NPAS3: variants seen among roughly 807,000 people sequenced by gnomAD.
The protein encoded by NPAS3 is neuronal PAS domain protein 3, also known as neuronal PAS domain-containing protein 3.
In NPAS3, 14 loss-of-function variants were observed where a neutral mutation model predicts 73.1. That is an observed-to-expected ratio of 0.19 (90% CI 0.13 to 0.30). The LOEUF (loss-of-function observed/expected upper bound fraction) is 0.30. Among genes scored for constraint, NPAS3 ranks in the 10% least tolerant of loss-of-function variants. The pLI, the probability that NPAS3 is intolerant of heterozygous loss-of-function variation, is 1.00. For missense variants in NPAS3, 1,096 were observed against 1,250.0 expected (o/e 0.88, Z 1.86); for synonymous variants, 620 against 541.5 (o/e 1.14, Z -2.01).
chr14:33,390,969 T>C (rs1326219369), intron 4 of NPAS3, among the ~76,000 whole-genome samples: 1 of 152,166 alleles, frequency 6.6e-6, no homozygotes, highest in African/African-American at 2.4e-5. Context: ...GTACTTTCTT[T>C]TACAAATGTG....
At chr14:33,736,227 G>A (rs904341367) in intron 7 of NPAS3, among the ~76,000 whole-genome samples, 49 of 152,180 alleles carry the variant, frequency 3.2e-4, no homozygotes, top group African/African-American at 1.1e-3. Context: ...ATCGCGGATG[G>A]TAACAGCCAG....
intron 2 of NPAS3, among the ~76,000 whole-genome samples, chr14:33,127,835 T>G (rs11847493): frequency 0.017 from 2,557 of 152,210 alleles, 66 homozygotes; most frequent in African/African-American, 0.059. Flanking sequence ...TAAAATACAT[T>G]TCCCTTTCCT....
At chr14:33,545,724 C>G (rs565439668) in intron 4 of NPAS3, among the ~76,000 whole-genome samples, 1 of 152,260 alleles carries the variant, frequency 6.6e-6, no homozygotes, top group East Asian at 1.9e-4. Flanking sequence ...CTATCATTGT[C>G]TCATTTTAGA....
At chr14:33,685,658 G>A (rs918026564) in intron 6 of NPAS3, among the ~76,000 whole-genome samples, 1 of 152,088 alleles carries the variant, frequency 6.6e-6, no homozygotes, top group African/African-American at 2.4e-5. Flanking sequence ...TTCTAACTTT[G>A]GAAAATGGTA....
At chr14:33,262,912 A>C (rs2049025624) in intron 3 of NPAS3, among the ~76,000 whole-genome samples, 1 of 152,074 alleles carries the variant, frequency 6.6e-6, no homozygotes, top group Admixed American at 6.6e-5. Flanking sequence ...TTGGCTGCAT[A>C]AATGTCTTCT....
At chr14:33,379,106 T>G (rs2046429462) in intron 4 of NPAS3, among the ~76,000 whole-genome samples, 1 of 152,160 alleles carries the variant, frequency 6.6e-6, no homozygotes, top group South Asian at 2.1e-4. Flanking sequence ...AGGTTGTAAG[T>G]ATAAGGTATA....
chr14:33,469,832 TAA>T (rs935297169), intron 4 of NPAS3, among the ~76,000 whole-genome samples: 2 of 152,002 alleles, frequency 1.3e-5, no homozygotes, highest in Non-Finnish European at 2.9e-5. Flanking sequence ...GTTGCTGCAT[TAA>T]AAAAAATTAC....
chr14:33,057,684 A>G (rs574971127), intron 2 of NPAS3, among the ~76,000 whole-genome samples: 1 of 152,284 alleles, frequency 6.6e-6, no homozygotes, highest in South Asian at 2.1e-4. Context: ...AATTGGTGTT[A>G]TTTGTAGTCA....
intron 2 of NPAS3, among the ~76,000 whole-genome samples, chr14:33,129,239 CT>C (rs1476378407): frequency 1.3e-5 from 2 of 152,062 alleles, no homozygotes; most frequent in African/African-American, 4.8e-5. Context: ...TAATGTATCT[CT>C]TTTCTAACAA....
rs182896714 is a variant in NPAS3, at chr14:33,375,945, G to A, written c.468+8677G>A. 4.6e-5 allele frequency among the ~76,000 whole-genome samples: 7 copies of A among 152,236 alleles called. No homozygotes were observed. The East Asian group carries it at 1.4e-3, about 29-fold the overall frequency. On this transcript the variant is annotated intron_variant, in intron 4 of 11. Transcript: ENST00000356141. The stretch of plus-strand genomic sequence containing the variant: ...AAGTTGCTGGGCTTTAATGACGTAA[G>A]CATCACTCTGACCCTGGCATTTATT...
intron 5 of NPAS3, among the ~76,000 whole-genome samples, chr14:33,604,629 T>A (rs2057500239): frequency 6.6e-6 from 1 of 151,906 alleles, no homozygotes; most frequent in African/African-American, 2.4e-5. Flanking sequence ...AAACAAAAAA[T>A]CTCCACCTAA....
At chr14:33,697,542 T>A (rs2060417584) in intron 6 of NPAS3, among the ~76,000 whole-genome samples, 1 of 152,208 alleles carries the variant, frequency 6.6e-6, no homozygotes, top group African/African-American at 2.4e-5. Context: ...CAGTCTTTAC[T>A]AACATGCCAG....
chr14:33,745,310 A>T (rs779287746), intron 7 of NPAS3, among the ~76,000 whole-genome samples: 3 of 152,208 alleles, frequency 2.0e-5, no homozygotes, highest in Non-Finnish European at 4.4e-5. Flanking sequence ...CAAGGAATGT[A>T]TGTTACCGTT....
chr14:33,675,761 T>G (rs981085279), intron 5 of NPAS3, among the ~76,000 whole-genome samples: 2 of 152,238 alleles, frequency 1.3e-5, no homozygotes, highest in Non-Finnish European at 2.9e-5. Context: ...AATCTGTGTA[T>G]TTTAAGGAAA....
At chr14:33,356,989 C>T (rs1486201532) in intron 3 of NPAS3, among the ~76,000 whole-genome samples, 1 of 152,210 alleles carries the variant, frequency 6.6e-6, no homozygotes, top group African/African-American at 2.4e-5. Flanking sequence ...GTTTACTAAT[C>T]TGCATTCTCC....
chr14:33,565,940 AC>A (rs148643754), intron 5 of NPAS3, among the ~76,000 whole-genome samples: 6,901 of 151,490 alleles, frequency 0.046, 214 homozygotes, highest in Middle Eastern at 0.078. Context: ...GCTTGTGACC[AC>A]CCCCCTGCCA....
intron 4 of NPAS3, among the ~76,000 whole-genome samples, chr14:33,371,272 G>A (rs764646355): frequency 2.0e-5 from 3 of 152,104 alleles, no homozygotes; most frequent in Admixed American, 6.6e-5. Context: ...GTCGCTGTGC[G>A]GAGTAAGTGT....
intron 3 of NPAS3, among the ~76,000 whole-genome samples, chr14:33,277,583 A>G (rs1290242358): frequency 6.6e-6 from 1 of 152,184 alleles, no homozygotes; most frequent in Non-Finnish European, 1.5e-5. Context: ...ATGGGATGCC[A>G]AATGTTTAGC....
chr14:32,942,552 C>T (rs2036063855), intron 1 of NPAS3, among the ~76,000 whole-genome samples: 1 of 152,178 alleles, frequency 6.6e-6, no homozygotes, highest in South Asian at 2.1e-4. Flanking sequence ...AATTATATAG[C>T]ACTACCACAA....
Sources: gnomAD v4.1 joint callset for allele counts (sites outside exome capture counted in the v4.1 genomes callset) on GRCh38, gnomAD v4.1.1 for gene constraint, MANE v1.5 for transcripts, NCBI Gene and HGNC (gene_info 2026-07-23, HGNC 2026-07-21) for gene names.